ACER3: variants seen among roughly 807,000 people sequenced by gnomAD.
ACER3 encodes the protein alkCDase 3.
ACER3 carries 16 observed loss-of-function variants against 48.9 expected under a neutral mutation model. That is an observed-to-expected ratio of 0.33 (90% confidence interval 0.22 to 0.50). The LOEUF is 0.50. Among genes scored for constraint, ACER3 ranks in the 20% least tolerant of loss-of-function variants. The pLI is 0.98. For synonymous variants in ACER3, 109 were observed against 107.8 expected, an observed-to-expected ratio of 1.01 and a Z score of -0.07; for missense variants, 227 against 326.0, an observed-to-expected ratio of 0.70 and a Z score of 2.34.
chr11:76,899,505 T>G (rs1292699139), intron 1 of ACER3, among the ~76,000 whole-genome samples: 1 of 152,234 alleles, frequency 6.6e-6, no homozygotes, highest in Non-Finnish European at 1.5e-5. Flanking sequence ...TCATTTTTCC[T>G]ATCTCACAGA....
At chr11:77,013,776 G>GTGAA (rs1277505999) in intron 7 of ACER3, among the ~76,000 whole-genome samples, 1 of 152,154 alleles carries the variant, frequency 6.6e-6, no homozygotes, top group African/African-American at 2.4e-5. Flanking sequence ...AGTGTTATTT[G>GTGAA]TGAATGTTCA....
At chr11:76,911,798 G>A (rs984840365) in intron 1 of ACER3, among the ~76,000 whole-genome samples, 1 of 152,050 alleles carries the variant, frequency 6.6e-6, no homozygotes, top group South Asian at 2.1e-4. Context: ...ATTTTTATTT[G>A]AGTCCTAATT....
chr11:76,985,460 T>G (rs571147263), intron 4 of ACER3, among the ~76,000 whole-genome samples, 183 bp from the exon 5 acceptor site: 8 of 152,334 alleles, frequency 5.3e-5, no homozygotes, highest in Admixed American at 3.3e-4. Context: ...TTAAGTCACG[T>G]GTCTACTCCT....
intron 7 of ACER3, among the ~76,000 whole-genome samples, chr11:77,009,216 G>A (rs1277151682): frequency 2.0e-5 from 3 of 152,170 alleles, no homozygotes; most frequent in African/African-American, 7.2e-5. Flanking sequence ...TTGGCTTCTG[G>A]GGAGGCCTCA....
intron 1 of ACER3, among the ~76,000 whole-genome samples, chr11:76,873,187 A>G (rs944737342): frequency 2.6e-5 from 4 of 152,132 alleles, no homozygotes; most frequent in African/African-American, 9.7e-5. Context: ...GATTACGGGC[A>G]TAAGCCACCA....
intron 3 of ACER3, among the ~76,000 whole-genome samples, chr11:76,959,437 G>C (rs553019749): frequency 1.3e-5 from 2 of 152,324 alleles, no homozygotes; most frequent in Non-Finnish European, 2.9e-5. Context: ...TTTAAAGCAA[G>C]CTTGTCCAAC....
intron 2 of ACER3, among the ~76,000 whole-genome samples, chr11:76,951,079 G>T (rs139637997): frequency 6.6e-6 from 1 of 152,154 alleles, no homozygotes; most frequent in Non-Finnish European, 1.5e-5. Context: ...CTAAGTTTTG[G>T]ATCAGCTCTG....
chr11:76,876,679 C>T (rs1242838880), intron 1 of ACER3, among the ~76,000 whole-genome samples: 5 of 152,122 alleles, frequency 3.3e-5, no homozygotes, highest in Non-Finnish European at 7.4e-5. Flanking sequence ...AGCATTTGAT[C>T]CACATCCTTG....
At chr11:76,951,584 C>A (rs1947670318) in intron 2 of ACER3, among the ~76,000 whole-genome samples, 1 of 152,150 alleles carries the variant, frequency 6.6e-6, no homozygotes, top group African/African-American at 2.4e-5. Flanking sequence ...CTTTAGAGAG[C>A]TAATTTCAGG....
intron 1 of ACER3, among the ~76,000 whole-genome samples, chr11:76,893,567 C>T (rs1945860755): frequency 6.6e-6 from 1 of 152,056 alleles, no homozygotes; most frequent in African/African-American, 2.4e-5. Flanking sequence ...TGCTTGTAAT[C>T]CCAGCTACCA....
Position 76,879,669 on chromosome 11 carries a change from A to G in ACER3, c.103+18590A>G, listed in dbSNP as rs1945474911. Among the ~76,000 whole-genome samples the G allele has an allele frequency of 2.6e-5, 4 of 152,202 alleles. No individual in the cohort carries two copies. In the South Asian group the frequency reaches 8.3e-4, roughly 31 times the overall value. Reference sequence around the variant, plus strand: ...GTTTGTCAAATATTATTCTATATCAAAGTGATCATGTGATTTTATCCTTTC... The same window carrying G: ...GTTTGTCAAATATTATTCTATATCAGAGTGATCATGTGATTTTATCCTTTC... On this transcript the variant is annotated intron_variant, in intron 1 of 10. Coordinates refer to ENST00000532485, the MANE Select transcript of ACER3 (RefSeq NM_018367.7).
chr11:76,948,211 CTGTGTGTGTGTGTGTG>C (rs57302394), intron 2 of ACER3, among the ~76,000 whole-genome samples: 3,874 of 135,776 alleles, frequency 0.029, 174 homozygotes, highest in African/African-American at 0.098. Context: ...CTGGCTCACT[CTGTGTGTGTGTGTGTG>C]TGTGTGTGTG....
At chr11:76,953,284 A>T (rs1290405525) in intron 2 of ACER3, among the ~76,000 whole-genome samples, 1 of 152,288 alleles carries the variant, frequency 6.6e-6, no homozygotes, top group African/African-American at 2.4e-5. Flanking sequence ...ATCTTTTGGG[A>T]TGCAGGAAGA....
intron 2 of ACER3, among the ~76,000 whole-genome samples, chr11:76,941,478 T>C (rs1338184725): frequency 6.6e-6 from 1 of 152,006 alleles, no homozygotes; most frequent in South Asian, 2.1e-4. Flanking sequence ...TAATTTTAAT[T>C]TTTTATTTTT....
chr11:76,924,973 C>CAA (rs57093609), intron 1 of ACER3, among the ~76,000 whole-genome samples: 4,849 of 78,396 alleles, frequency 0.062, 328 homozygotes, highest in East Asian at 0.11. Context: ...AAGACTCTGT[C>CAA]AAAAAAAAAA....
At chr11:76,958,621 T>G (rs1329905012) in intron 2 of ACER3, among the ~76,000 whole-genome samples, 1 of 152,230 alleles carries the variant, frequency 6.6e-6, no homozygotes, top group Non-Finnish European at 1.5e-5. Flanking sequence ...TGACTGGCTC[T>G]TAGTAAGCAT....
chr11:76,888,823 A>G (rs1945738536), intron 1 of ACER3, among the ~76,000 whole-genome samples: 2 of 152,206 alleles, frequency 1.3e-5, no homozygotes, highest in Admixed American at 1.3e-4. Context: ...CTTGGTTAGC[A>G]GCAAGTCACA....
intron 1 of ACER3, among the ~76,000 whole-genome samples, chr11:76,914,295 C>T (rs1339567488): frequency 6.6e-6 from 1 of 152,078 alleles, no homozygotes; most frequent in East Asian, 1.9e-4. Flanking sequence ...TTGCAGTCTA[C>T]TCATCTGATA....
At chr11:76,906,470 G>A (rs1344006720) in intron 1 of ACER3, among the ~76,000 whole-genome samples, 1 of 152,090 alleles carries the variant, frequency 6.6e-6, no homozygotes, top group East Asian at 1.9e-4. Flanking sequence ...CCCTATGATT[G>A]TATCTCCAAC....
Sources: gnomAD v4.1 joint callset for allele counts (sites outside exome capture counted in the v4.1 genomes callset) on GRCh38, gnomAD v4.1.1 for gene constraint, MANE v1.5 for transcripts, NCBI Gene and HGNC (gene_info 2026-07-23, HGNC 2026-07-21) for gene names.